The following ZNF597 variants were observed in gnomAD, a reference collection of about 807,000 sequenced individuals.
The protein encoded by ZNF597 is zinc finger protein 597.
Under a neutral mutation model 7.3 loss-of-function variants are expected in ZNF597, and 5 were observed. The observed-to-expected ratio is 0.68, with a 90% CI of 0.36 to 1.44. The LOEUF is 1.44. ZNF597 is among the 40% of genes most tolerant of loss of function. The pLI is 0.04. For missense variants in ZNF597, 585 were observed against 517.9 expected (o/e 1.13, Z -1.26); for synonymous variants, 209 against 185.4 (o/e 1.13, Z -1.04).
At position 3,436,701 on chromosome 16, in the gene ZNF597, A is replaced by G. The variant is rs778209044; in HGVS notation, c.998T>C (p.Phe333Ser). ...TAAGGGCTTGAATTTTGAGAATGAG[A>G]AGAAATTGTCCCCATCATCGCTGCA... is the stretch of plus-strand genomic sequence containing the variant. ...ERCSDDGDNF[F>S]SFSKFKPLQC... Residue 333 changes from phenylalanine to serine, a missense_variant, in exon 4 of 4, where the codon TTC (phenylalanine) becomes TCC (serine). Physicochemically the swap from Phe to Ser is radical, Grantham distance 155. Coordinates refer to ENST00000301744, the MANE Select transcript of ZNF597 (RefSeq NM_152457.3). The G allele has an allele frequency of 1.8e-5, 29 of 1,613,992 alleles. No individual in the cohort carries two copies. The highest frequency in any genetic ancestry group is 2.5e-5 in the Non-Finnish European group (29 of 1,180,020).
Position 3,436,938 on chromosome 16 carries a change from C to A in ZNF597, c.761G>T (p.Gly254Val). 6.2e-7 allele frequency: 1 copy of A among 1,614,154 alleles called. No homozygotes were observed. Among genetic ancestry groups the A allele is most frequent in the Non-Finnish European group, 8.5e-7 (1 of 1,180,030 alleles). ...ICGRGFMWLP[G>V]LAQHQKSHSA... ...GTGGCTTTTCTGATGCTGTGCCAAT[C>A]CTGGGAGCCACATAAAACCTCTACC... Residue 254 changes from glycine to valine, a missense_variant, in exon 4 of 4, where the codon GGA becomes GTA. Gly to Val is a moderately radical substitution (Grantham distance 109). Transcript: ENST00000301744.
intron 3 of ZNF597, 58 bp from the exon 4 acceptor site, chr16:3,437,596 G>C (rs1273538769): frequency 8.6e-6 from 13 of 1,515,092 alleles, no homozygotes; most frequent in Non-Finnish European, 1.1e-5. Flanking sequence ...GGATACTGGG[G>C]AAAAAGTAAG....
intron 3 of ZNF597, 59 bp from the exon 4 acceptor site, chr16:3,437,597 A>G (rs909610220): frequency 5.3e-6 from 8 of 1,515,444 alleles, no homozygotes; most frequent in Non-Finnish European, 7.0e-6. Flanking sequence ...GATACTGGGG[A>G]AAAAGTAAGC....
intron 2 of ZNF597, 127 bp from the exon 3 acceptor site, chr16:3,441,060 G>A: frequency 7.3e-7 from 1 of 1,361,704 alleles, no homozygotes; most frequent in South Asian, 1.5e-5. Flanking sequence ...AAAGGTTCTT[G>A]AGCGCAGAAG....
In ZNF597 at chr16:3,435,843, G is replaced by C. The variant is rs1490184266; in HGVS notation, c.*581C>G. The C allele has an allele frequency of 6.6e-6, 1 of 152,462 alleles. No individual in the cohort carries two copies. Among genetic ancestry groups the C allele is most frequent in the Admixed American group, 6.5e-5 (1 of 15,282 alleles). 9.4% of individuals were successfully genotyped at this position (152,462 alleles called of 1,614,324 possible). On this transcript the variant is annotated 3_prime_UTR_variant, in exon 4 of 4. Coordinates refer to ENST00000301744, the MANE Select transcript of ZNF597 (RefSeq NM_152457.3). Reference sequence around the variant, plus strand: ...CCCCTGGCATCAGAACCATGACAGAGAACTCCGGATACTAATGGCCATCAA... The same window carrying C: ...CCCCTGGCATCAGAACCATGACAGACAACTCCGGATACTAATGGCCATCAA...
rs1193125828 is a variant in ZNF597, at chr16:3,437,094, T to C, written c.605A>G (p.His202Arg). The C allele has an allele frequency of 6.2e-7, 1 of 1,614,202 alleles. No individual in the cohort carries two copies. Among genetic ancestry groups the C allele is most frequent in the Non-Finnish European group, 8.5e-7 (1 of 1,180,020 alleles). Residue 202 changes from histidine (H) to arginine (R), a missense_variant, in exon 4 of 4, where the codon CAC (histidine) becomes CGC (arginine). Physicochemically the swap from His to Arg is conservative, Grantham distance 29 (BLOSUM62 0). Coordinates refer to ENST00000301744, the MANE Select transcript of ZNF597 (RefSeq NM_152457.3). ...IFNHRANLRT[H>R]RRIHTGEKPY... ...TTTCTCACCAGTATGGATTCTCCTG[T>C]GTGTCCTCAGGTTGGCTCTATGATT... is the stretch of plus-strand genomic sequence containing the variant.
rs774292995 is a variant in ZNF597, at chr16:3,436,865, A to C, written c.834T>G (p.Asn278Lys). ...CAGGCAAAGCAAGATTTGGTTTCTC[A>C]TTAAAATGTTTATCACAGTTAGTAG... ...YESTNCDKHF[N>K]EKPNLALPEE... Residue 278 changes from asparagine to lysine, a missense_variant, in exon 4 of 4, where the codon AAT becomes AAG. Coordinates refer to ENST00000301744, the MANE Select transcript of ZNF597 (RefSeq NM_152457.3). The C allele has an allele frequency of 4.3e-6, 7 of 1,614,198 alleles. No homozygotes were observed. In the Middle Eastern group the frequency reaches 4.9e-4, roughly 114 times the overall value.
In ZNF597 at chr16:3,434,225, C is replaced by T. The variant is rs1378756046; in HGVS notation, c.*2199G>A. The T allele has an allele frequency of 6.6e-6, 1 of 152,272 alleles. No individual in the cohort carries two copies. Among genetic ancestry groups the T allele is most frequent in the African/African-American group, 2.4e-5 (1 of 41,452 alleles). The allele number at this position is 152,272 out of a possible 1,614,324, so 9.4% of individuals were successfully genotyped here. Reference sequence around the variant, plus strand: ...ATCCAGACCTTTCCCAATTTCATCCCCCATCCTGTGACTCATTAGATCTTT... The same window carrying T: ...ATCCAGACCTTTCCCAATTTCATCCTCCATCCTGTGACTCATTAGATCTTT... On this transcript the variant is annotated 3_prime_UTR_variant, in exon 4 of 4. Coordinates refer to ENST00000301744, the MANE Select transcript of ZNF597 (RefSeq NM_152457.3).
At chr16:3,438,855 A>T (rs2034333773) in intron 3 of ZNF597, among the ~76,000 whole-genome samples, 1 of 152,202 alleles carries the variant, frequency 6.6e-6, no homozygotes, top group Admixed American at 6.5e-5. Flanking sequence ...TCAATACAAA[A>T]GGAACTTTTC....
In ZNF597 at chr16:3,443,171, CCTT is replaced by C. The variant is rs1321124667; in HGVS notation, c.-21_-19del. 6 of 1,610,886 alleles carry C rather than the reference CCTT, an allele frequency of 3.7e-6. No homozygotes were observed. The South Asian group carries it at 5.5e-5, about 15-fold the overall frequency. On this transcript the variant is annotated 5_prime_UTR_variant, in exon 2 of 4. Coordinates refer to ENST00000301744, the MANE Select transcript of ZNF597 (RefSeq NM_152457.3). ...GACGCCATTTGGCGGGTGGGGAATG[CCTT>C]CTTCAAGACGCCACAGGGACTTCGT... is the stretch of plus-strand genomic sequence containing the variant.
rs1487357391 is a variant in ZNF597 at position 3,435,148 on chromosome 16, A to C, written c.*1276T>G. 1 of 152,174 alleles carries C rather than the reference A, an allele frequency of 6.6e-6. No homozygotes were observed. Among genetic ancestry groups the C allele is most frequent in the Non-Finnish European group, 1.5e-5 (1 of 68,036 alleles). The allele number at this position is 152,174 out of a possible 1,614,324, so 9.4% of individuals were successfully genotyped here. On this transcript the variant is annotated 3_prime_UTR_variant, in exon 4 of 4. Transcript: ENST00000301744. ...TATGGGTGTTTTTTAAAAAACCAAA[A>C]CCCAGTTAAGACCTTCAGTATTGTA...
intron 3 of ZNF597, among the ~76,000 whole-genome samples, chr16:3,438,449 G>A (rs528587272): frequency 6.6e-6 from 1 of 151,940 alleles, no homozygotes; most frequent in African/African-American, 2.4e-5. Context: ...TGTCGTCCCA[G>A]CTACTCGGGA....
chr16:3,437,355 C>A lies in ZNF597; in HGVS notation c.344G>T (p.Arg115Met), dbSNP rs1457459900. The stretch of plus-strand genomic sequence containing the variant: ...AATGGTAACTAAAAGGCTGATGACC[C>A]TTCTCTTGTAAGTGGGAGTTCCACT... ...ILSGTPTYKR[R>M]VISLLVTIEN... Residue 115 changes from arginine to methionine, a missense_variant, in exon 4 of 4, where the codon AGG becomes ATG. Transcript: ENST00000301744. The A allele has an allele frequency of 6.2e-7, 1 of 1,614,074 alleles. No individual in the cohort carries two copies. Among genetic ancestry groups the A allele is most frequent in the Non-Finnish European group, 8.5e-7 (1 of 1,180,014 alleles).
In ZNF597 at chr16:3,437,005, T is replaced by A; in HGVS notation, c.694A>T (p.Asn232Tyr). 4 of 1,614,222 alleles carry A rather than the reference T, an allele frequency of 2.5e-6. No individual in the cohort carries two copies. The highest frequency in any genetic ancestry group is 3.4e-6 in the Non-Finnish European group (4 of 1,180,046). ...TAGGGCTTCTCCTTTACGTGGCTAT[T>A]CATGTGTCGGGATAGATGAGAGTGC... ...RQHSHLSRHMNSHVKEKPYTC... is the reference protein window; with the variant it reads ...RQHSHLSRHMYSHVKEKPYTC... The change falls in exon 4 of 4, where the codon AAT (asparagine) becomes TAT (tyrosine). Residue 232 changes from asparagine to tyrosine, a missense_variant. Asn to Tyr is a moderately radical substitution (Grantham distance 143). Transcript: ENST00000301744.
intron 2 of ZNF597, among the ~76,000 whole-genome samples, chr16:3,442,329 G>A (rs1003474956): frequency 3.9e-5 from 6 of 152,130 alleles, no homozygotes; most frequent in African/African-American, 9.7e-5. Context: ...CGAGGTGGGA[G>A]GATAGCTGAA....
At chr16:3,440,349 A>T (rs2034352554) in intron 3 of ZNF597, among the ~76,000 whole-genome samples, 1 of 152,226 alleles carries the variant, frequency 6.6e-6, no homozygotes, top group Non-Finnish European at 1.5e-5. Context: ...TTAAGAGATC[A>T]TCTCGGCCGG....
In ZNF597 at chr16:3,436,354, T is replaced by C; in HGVS notation, c.*70A>G. ...TGCTTAGCACATTGCCTGGGACATA[T>C]ACAGTAACTGCTTCCCACCATACAG... On this transcript the variant is annotated 3_prime_UTR_variant, in exon 4 of 4. Coordinates refer to ENST00000301744, the MANE Select transcript of ZNF597 (RefSeq NM_152457.3). 6.9e-7 allele frequency: 1 copy of C among 1,455,938 alleles called. No homozygotes were observed. Among genetic ancestry groups the C allele is most frequent in the Non-Finnish European group, 9.4e-7 (1 of 1,069,126 alleles). The allele number at this position is 1,455,938 out of a possible 1,614,324, so 90.2% of individuals were successfully genotyped here. A position where few individuals can be genotyped will look rare whatever the true frequency, so the allele number is the denominator to read the frequency against.
Position 3,434,264 on chromosome 16 carries a change from G to C in ZNF597, c.*2160C>G, listed in dbSNP as rs1435367867. On this transcript the variant is annotated 3_prime_UTR_variant, in exon 4 of 4. Coordinates refer to ENST00000301744, the MANE Select transcript of ZNF597 (RefSeq NM_152457.3). ...CATTAGATCTTTGACTGAACTCTTA[G>C]GGCCCCTGATATGTGCTGATGAGGC... The C allele has an allele frequency of 6.6e-6, 1 of 152,134 alleles. No homozygotes were observed. The highest frequency in any genetic ancestry group is 1.5e-5 in the Non-Finnish European group (1 of 68,050). The allele number at this position is 152,134 out of a possible 1,614,324, so 9.4% of individuals were successfully genotyped here.
intron 3 of ZNF597, among the ~76,000 whole-genome samples, chr16:3,440,129 T>G (rs2034350254): frequency 6.6e-6 from 1 of 151,954 alleles, no homozygotes; most frequent in African/African-American, 2.4e-5. Flanking sequence ...GGCACAGGAG[T>G]CCATCTGTGT....
Sources: allele counts gnomAD v4.1 joint callset (sites outside exome capture counted in the v4.1 genomes callset), GRCh38; gene constraint gnomAD v4.1.1; transcripts MANE v1.5; gene names NCBI Gene and HGNC (gene_info 2026-07-23, HGNC 2026-07-21).